The following LRCH1 variants were observed in gnomAD, a reference collection of about 807,000 sequenced individuals.
LRCH1 encodes leucine rich repeats and calponin homology domain containing 1, also known as leucine-rich repeat and calponin homology domain-containing protein 1.
LRCH1 carries 23 observed loss-of-function variants against 94.9 expected under a neutral mutation model. The observed-to-expected ratio is 0.24, with a 90% CI of 0.17 to 0.34. The LOEUF is 0.34. Among genes scored for constraint, LRCH1 ranks in the 10% least tolerant of loss-of-function variants. LRCH1 has a pLI of 1.00. For synonymous variants in LRCH1, 364 were observed against 354.9 expected (o/e 1.03, Z -0.29); for missense variants, 790 against 945.9 (o/e 0.84, Z 2.16).
At chr13:46,719,305 C>A (rs1358209052) in intron 16 of LRCH1, among the ~76,000 whole-genome samples, 1 of 152,210 alleles carries the variant, frequency 6.6e-6, no homozygotes. Flanking sequence ...ACGTTTGTTT[C>A]ATTTACTCGT....
At chr13:46,613,313 C>T (rs886209805) in intron 1 of LRCH1, among the ~76,000 whole-genome samples, 2 of 151,908 alleles carry the variant, frequency 1.3e-5, no homozygotes, top group African/African-American at 4.8e-5. Flanking sequence ...TTGCTTGAAC[C>T]AGGGAGTCAG....
chr13:46,720,026 T>C (rs1300770573), intron 16 of LRCH1, among the ~76,000 whole-genome samples: 1 of 151,954 alleles, frequency 6.6e-6, no homozygotes, highest in African/African-American at 2.4e-5. Flanking sequence ...ATGTTATTTA[T>C]ACAACATACA....
At chr13:46,663,813 CT>C (rs1177350470) in intron 2 of LRCH1, among the ~76,000 whole-genome samples, 2 of 152,230 alleles carry the variant, frequency 1.3e-5, no homozygotes, top group African/African-American at 4.8e-5. Context: ...AGTATCCACG[CT>C]GTGAAACCTG....
Position 46,601,400 on chromosome 13 carries a change from G to A in LRCH1, c.307+47697G>A, listed in dbSNP as rs2050627098. ...AAACTTATGTTTGAGGCAAATTGCA[G>A]GAAAAAGTTCTTTAAATGAAGGAAA... On this transcript the variant is annotated intron_variant, in intron 1 of 19. Coordinates refer to ENST00000389797, the MANE Select transcript of LRCH1 (RefSeq NM_001164211.2). Among the ~76,000 whole-genome samples, 4 of 152,194 alleles carry A rather than the reference G, an allele frequency of 2.6e-5. No individual in the cohort carries two copies. The South Asian group carries it at 8.3e-4, about 32-fold the overall frequency.
intron 15 of LRCH1, among the ~76,000 whole-genome samples, chr13:46,713,302 CTT>C (rs1872164432): frequency 6.6e-6 from 1 of 152,112 alleles, no homozygotes. Context: ...ATTTTTGACT[CTT>C]TGGTATTTAG....
intron 3 of LRCH1, among the ~76,000 whole-genome samples, chr13:46,669,603 C>G (rs2051570323): frequency 6.6e-6 from 1 of 152,096 alleles, no homozygotes; most frequent in African/African-American, 2.4e-5. Flanking sequence ...TGTCGCAAAT[C>G]GTTGTAATTT....
chr13:46,685,599 G>A (rs200764859), intron 4 of LRCH1, among the ~76,000 whole-genome samples: 1 of 151,776 alleles, frequency 6.6e-6, no homozygotes, highest in Non-Finnish European at 1.5e-5. Flanking sequence ...GATGTGGCTT[G>A]CGTGATTCTT....
At chr13:46,719,726 A>T (rs574499393) in intron 16 of LRCH1, among the ~76,000 whole-genome samples, 1 of 152,216 alleles carries the variant, frequency 6.6e-6, no homozygotes, top group African/African-American at 2.4e-5. Context: ...TGCTGGGTGC[A>T]GTAGCTCACG....
At chr13:46,653,741 G>GGGAGA (rs1196483976) in intron 2 of LRCH1, among the ~76,000 whole-genome samples, 2 of 152,020 alleles carry the variant, frequency 1.3e-5, no homozygotes, top group East Asian at 1.9e-4. Context: ...TGAGGTGAGA[G>GGGAGA]GGTCTGGGAG....
Position 46,637,775 on chromosome 13 carries a change from A to G in LRCH1, c.308-12426A>G, listed in dbSNP as rs369457320. The stretch of plus-strand genomic sequence containing the variant: ...CACCCTGTAACATGCCGTATATTTT[A>G]CTTGTCATTTGTGTTTGTATCACCC... On this transcript the variant is annotated intron_variant, in intron 1 of 19. Transcript: ENST00000389797. Among the ~76,000 whole-genome samples the G allele has an allele frequency of 4.0e-5, 6 of 151,264 alleles. No individual in the cohort carries two copies. In the East Asian group the frequency reaches 1.2e-3, roughly 29 times the overall value.
chr13:46,609,096 A>C (rs916183390), intron 1 of LRCH1, among the ~76,000 whole-genome samples: 3 of 152,168 alleles, frequency 2.0e-5, no homozygotes, highest in Admixed American at 6.5e-5. Context: ...CAAGTTAGCT[A>C]TTTGTGTCCT....
chr13:46,630,100 A>C (rs755939113), intron 1 of LRCH1, among the ~76,000 whole-genome samples: 3 of 152,218 alleles, frequency 2.0e-5, no homozygotes, highest in Non-Finnish European at 2.9e-5. Flanking sequence ...TTGGAACCAC[A>C]GGGCAACTGA....
chr13:46,571,709 G>A (rs1327461446), intron 1 of LRCH1, among the ~76,000 whole-genome samples: 2 of 152,196 alleles, frequency 1.3e-5, no homozygotes, highest in East Asian at 3.8e-4. Context: ...ACAGACCAAG[G>A]TCAAATTCTG....
At position 46,744,405 on chromosome 13, in the gene LRCH1, G is replaced by A. The variant is rs1873818197; in HGVS notation, c.*2557G>A. 1.0e-6 allele frequency: 1 copy of A among 985,064 alleles called. No individual in the cohort carries two copies. The highest frequency in any genetic ancestry group is 1.2e-6 in the Non-Finnish European group (1 of 829,912). 61.0% of individuals were successfully genotyped at this position (985,064 alleles called of 1,614,324 possible). A position where few individuals can be genotyped will look rare whatever the true frequency, so the allele number is the denominator to read the frequency against. On this transcript the variant is annotated 3_prime_UTR_variant, in exon 20 of 20. Transcript: ENST00000389797. ...CTTTCTCCAGTTTCTCCAACTGGTG[G>A]CAACTCTCCACTCAGTGTCAGGAAT...
At position 46,744,681 on chromosome 13, in the gene LRCH1, A is replaced by G. The variant is rs1873833681; in HGVS notation, c.*2833A>G. On this transcript the variant is annotated 3_prime_UTR_variant, in exon 20 of 20. Coordinates refer to ENST00000389797, the MANE Select transcript of LRCH1 (RefSeq NM_001164211.2). Reference sequence around the variant, plus strand: ...GAGCTGGGTTATCTCTCGAAAACTCATGTAGATGCCTGATTGAGTCATAAG... The same window carrying G: ...GAGCTGGGTTATCTCTCGAAAACTCGTGTAGATGCCTGATTGAGTCATAAG... 2.0e-6 allele frequency: 2 copies of G among 985,334 alleles called. No individual in the cohort carries two copies. The highest frequency in any genetic ancestry group is 2.4e-6 in the Non-Finnish European group (2 of 829,940). The allele number at this position is 985,334 out of a possible 1,614,324, so 61.0% of individuals were successfully genotyped here.
intron 1 of LRCH1, among the ~76,000 whole-genome samples, chr13:46,595,094 C>T (rs2050544926): frequency 6.6e-6 from 1 of 151,578 alleles, no homozygotes; most frequent in African/African-American, 2.4e-5. Context: ...TGCTTTTTGC[C>T]CTGGTCACTT....
chr13:46,614,355 G>A (rs924074056), intron 1 of LRCH1, among the ~76,000 whole-genome samples: 2 of 152,104 alleles, frequency 1.3e-5, no homozygotes, highest in Non-Finnish European at 2.9e-5. Flanking sequence ...CTATTCCAGG[G>A]AGATGAAATT....
chr13:46,656,280 C>T (rs529699687), intron 2 of LRCH1, among the ~76,000 whole-genome samples: 2 of 152,318 alleles, frequency 1.3e-5, no homozygotes, highest in South Asian at 4.1e-4. Context: ...AATGTCTTCT[C>T]TCCTTGCACT....
chr13:46,678,507 C>G (rs1054166619), intron 3 of LRCH1, among the ~76,000 whole-genome samples: 6 of 152,220 alleles, frequency 3.9e-5, no homozygotes, highest in African/African-American at 1.4e-4. Context: ...AAGTAATTGA[C>G]AACAGTGCAG....
Sources: gnomAD v4.1 joint callset for allele counts (sites outside exome capture counted in the v4.1 genomes callset) on GRCh38, gnomAD v4.1.1 for gene constraint, MANE v1.5 for transcripts, NCBI Gene and HGNC (gene_info 2026-07-23, HGNC 2026-07-21) for gene names.